Variants in SCFD1 observed in about 807,000 individuals in gnomAD.
The protein encoded by SCFD1 is sec1 family domain containing 1.
In SCFD1, 37 loss-of-function variants were observed where a neutral mutation model predicts 103.2. The ratio of observed to expected loss-of-function variants is 0.36; its 90% CI spans 0.28 to 0.47. SCFD1 has a LOEUF of 0.47. Ranked by LOEUF, SCFD1 falls within the 20% of genes least tolerant of loss-of-function variation. The probability of loss-of-function intolerance (pLI) is 1.00; values close to 1 mark genes in which losing one functional copy is unlikely to be tolerated. For missense variants in SCFD1, 639 were observed against 761.2 expected (o/e 0.84, Z 1.89); for synonymous variants, 264 against 245.0 (o/e 1.08, Z -0.73).
At chr14:30,632,349 C>T (rs916433394) in intron 3 of SCFD1, among the ~76,000 whole-genome samples, 3 of 152,016 alleles carry the variant, frequency 2.0e-5, no homozygotes, top group African/African-American at 7.2e-5. Flanking sequence ...TTGTCAATTC[C>T]AAATGTCCTT....
In SCFD1 at chr14:30,735,728, G is replaced by GTTA. The variant is rs1555363140; in HGVS notation, c.*122_*124dup. 7 of 669,920 alleles carry GTTA rather than the reference G, an allele frequency of 1.0e-5. No individual in the cohort carries two copies. The highest frequency in any genetic ancestry group is 1.5e-5 in the Non-Finnish European group (6 of 395,124). 41.5% of individuals were successfully genotyped at this position (669,920 alleles called of 1,614,324 possible). On this transcript the variant is annotated 3_prime_UTR_variant, in exon 25 of 25. Transcript: ENST00000458591. ...CAGTGTCCTAACAGTGAAAATCAGA[G>GTTA]TTATTTGTTAATTTTTAAGGAAATT...
intron 10 of SCFD1, among the ~76,000 whole-genome samples, chr14:30,664,620 C>T (rs1192115719): frequency 1.3e-5 from 2 of 151,958 alleles, no homozygotes; most frequent in African/African-American, 2.4e-5. Context: ...ATGTTTGAAC[C>T]GGTCACAAGG....
At chr14:30,713,500 A>AGACTT (rs1892043403) in intron 19 of SCFD1, among the ~76,000 whole-genome samples, 1 of 152,238 alleles carries the variant, frequency 6.6e-6, no homozygotes, top group Non-Finnish European at 1.5e-5. Flanking sequence ...CCTATTTGGC[A>AGACTT]GACTTGTCTT....
At chr14:30,682,193 T>C (rs1889540341) in intron 14 of SCFD1, among the ~76,000 whole-genome samples, 1 of 152,172 alleles carries the variant, frequency 6.6e-6, no homozygotes, top group African/African-American at 2.4e-5. Flanking sequence ...ACTAGTAAGA[T>C]TGATAATCTG....
chr14:30,625,019 C>G (rs946307533), intron 1 of SCFD1, among the ~76,000 whole-genome samples: 2 of 152,154 alleles, frequency 1.3e-5, no homozygotes, highest in African/African-American at 4.8e-5. Context: ...CTCCATCTTC[C>G]CCTTTCCCAA....
intron 17 of SCFD1, among the ~76,000 whole-genome samples, chr14:30,705,460 A>G (rs945248897): frequency 3.3e-5 from 5 of 152,196 alleles, no homozygotes; most frequent in African/African-American, 4.8e-5. Flanking sequence ...TTGGAAAACT[A>G]ATGCATTTGT....
At chr14:30,642,896 G>T (rs1021301318) in intron 6 of SCFD1, among the ~76,000 whole-genome samples, 1 of 152,298 alleles carries the variant, frequency 6.6e-6, no homozygotes, top group Admixed American at 6.5e-5. Flanking sequence ...AGCAGGCAGG[G>T]TGTGGTGGCT....
chr14:30,731,693 C>T (rs1408642607), intron 23 of SCFD1, among the ~76,000 whole-genome samples: 1 of 152,186 alleles, frequency 6.6e-6, no homozygotes, highest in African/African-American at 2.4e-5. Flanking sequence ...GATTTTTGCA[C>T]ATTGATTTTT....
chr14:30,650,675 G>A, intron 9 of SCFD1, 25 bp downstream of exon 9: 1 of 1,271,822 alleles, frequency 7.9e-7, no homozygotes, highest in Admixed American at 2.0e-5. Flanking sequence ...AAATACACTT[G>A]TAAGACTTTA....
chr14:30,662,962 TA>T (rs1360781091), intron 10 of SCFD1, among the ~76,000 whole-genome samples: 1 of 152,212 alleles, frequency 6.6e-6, no homozygotes, highest in Admixed American at 6.5e-5. Flanking sequence ...TCTATCATGT[TA>T]AAACTAATTC....
At chr14:30,636,836 G>T (rs1884773198) in intron 4 of SCFD1, among the ~76,000 whole-genome samples, 1 of 151,918 alleles carries the variant, frequency 6.6e-6, no homozygotes, top group African/African-American at 2.4e-5. Flanking sequence ...CATTGCAATT[G>T]TATAAAAATT....
Position 30,708,197 on chromosome 14 carries a change from T to G in SCFD1, c.1629+132T>G, listed in dbSNP as rs1891606495. On this transcript the variant is annotated intron_variant, in intron 19 of 24. Coordinates refer to ENST00000458591, the MANE Select transcript of SCFD1 (RefSeq NM_016106.4). ...AATCATAAAATCAAGGAGTTCCTTT[T>G]TTTTTAAGTTCTGGGGTACATGTGC... The G allele has an allele frequency of 6.4e-6, 4 of 623,018 alleles. No homozygotes were observed. In the Admixed American group the frequency reaches 1.1e-4, roughly 17 times the overall value. 38.6% of individuals were successfully genotyped at this position (623,018 alleles called of 1,614,324 possible).
chr14:30,642,253 A>T (rs1162137410), intron 6 of SCFD1, among the ~76,000 whole-genome samples: 1 of 151,794 alleles, frequency 6.6e-6, no homozygotes, highest in African/African-American at 2.4e-5. Flanking sequence ...ACACCTGGCT[A>T]ATTTTTGTAT....
At chr14:30,710,190 T>C (rs1891765816) in intron 19 of SCFD1, among the ~76,000 whole-genome samples, 1 of 152,068 alleles carries the variant, frequency 6.6e-6, no homozygotes, top group Admixed American at 6.6e-5. Flanking sequence ...CTTTATGATC[T>C]TACATCTCTG....
intron 14 of SCFD1, among the ~76,000 whole-genome samples, 178 bp from the exon 15 acceptor site, chr14:30,694,595 T>C (rs540506945): frequency 3.1e-4 from 47 of 152,276 alleles, no homozygotes; most frequent in African/African-American, 1.1e-3. Flanking sequence ...GGAATGAGCC[T>C]GGGAAGTTGA....
intron 23 of SCFD1, among the ~76,000 whole-genome samples, chr14:30,725,075 G>C (rs1892946867): frequency 6.6e-6 from 1 of 152,078 alleles, no homozygotes; most frequent in Non-Finnish European, 1.5e-5. Context: ...TGCTGTTTTG[G>C]CTACTGTATA....
At chr14:30,629,039 T>C (rs772715148) in intron 2 of SCFD1, among the ~76,000 whole-genome samples, 1 of 152,194 alleles carries the variant, frequency 6.6e-6, no homozygotes, top group Non-Finnish European at 1.5e-5. Flanking sequence ...ATTTTCTCCT[T>C]CTTGTTCCTT....
At chr14:30,683,524 AC>A in intron 14 of SCFD1, 1 of 295,010 alleles carries the variant, frequency 3.4e-6, no homozygotes, top group Non-Finnish European at 6.6e-6. Context: ...CCCCAGCGGC[AC>A]CCCAGCTTGG....
chr14:30,690,688 A>T (rs931088341), intron 14 of SCFD1, among the ~76,000 whole-genome samples: 1 of 148,482 alleles, frequency 6.7e-6, no homozygotes, highest in Non-Finnish European at 1.5e-5. Flanking sequence ...GTGCGCACAC[A>T]CACTGGCCTG....
Sources: gnomAD v4.1 joint callset for allele counts (sites outside exome capture counted in the v4.1 genomes callset) on GRCh38, gnomAD v4.1.1 for gene constraint, MANE v1.5 for transcripts, NCBI Gene and HGNC (gene_info 2026-07-23, HGNC 2026-07-21) for gene names.